CHRNA7: variants seen among roughly 807,000 people sequenced by gnomAD.
CHRNA7 encodes neuronal acetylcholine receptor subunit alpha-7.
Under a neutral mutation model 48.0 loss-of-function variants are expected in CHRNA7, and 17 were observed. The observed-to-expected ratio is 0.35, with a 90% confidence interval of 0.24 to 0.53. The LOEUF is 0.53. Ranked by LOEUF, CHRNA7 falls within the 20% of genes least tolerant of loss-of-function variation. CHRNA7 has a pLI of 0.92. For missense variants in CHRNA7, 155 were observed against 577.7 expected, an observed-to-expected ratio of 0.27 and a Z score of 7.50; for synonymous variants, 75 against 242.3, an observed-to-expected ratio of 0.31 and a Z score of 6.41.
At chr15:32,134,011 C>T (rs1227235852) in intron 4 of CHRNA7, among the ~76,000 whole-genome samples, 1 of 152,166 alleles carries the variant, frequency 6.6e-6, no homozygotes, top group Non-Finnish European at 1.5e-5. Context: ...ACAAATATTC[C>T]ATGCTCTGAT....
intron 4 of CHRNA7, among the ~76,000 whole-genome samples, chr15:32,132,025 C>T (rs1362865383): frequency 6.6e-6 from 1 of 152,196 alleles, no homozygotes; most frequent in African/African-American, 2.4e-5. Context: ...TTGGCCTTCT[C>T]TGACATCACC....
intron 4 of CHRNA7, among the ~76,000 whole-genome samples, chr15:32,139,508 C>T (rs1022165982): frequency 2.6e-5 from 4 of 152,146 alleles, no homozygotes; most frequent in Admixed American, 2.0e-4. Context: ...TGTTGCTCTG[C>T]ATCCTTGCCA....
At chr15:32,098,407 G>A (rs951042051) in intron 2 of CHRNA7, among the ~76,000 whole-genome samples, 2 of 152,188 alleles carry the variant, frequency 1.3e-5, no homozygotes, top group Non-Finnish European at 2.9e-5. Flanking sequence ...AGAAGACACG[G>A]CACCTGCAGA....
At chr15:32,079,343 G>A (rs1006654303) in intron 2 of CHRNA7, among the ~76,000 whole-genome samples, 1 of 152,162 alleles carries the variant, frequency 6.6e-6, no homozygotes, top group Non-Finnish European at 1.5e-5. Flanking sequence ...ATTCAAATAG[G>A]AAGAGAGGAA....
chr15:32,055,526 T>C (rs141244526), intron 2 of CHRNA7, among the ~76,000 whole-genome samples: 389 of 152,298 alleles, frequency 2.6e-3, no homozygotes, highest in African/African-American at 8.9e-3. Flanking sequence ...GGGCTAAACC[T>C]GCTCCCTTCA....
At chr15:32,091,417 G>A (rs540652789) in intron 2 of CHRNA7, among the ~76,000 whole-genome samples, 1 of 152,212 alleles carries the variant, frequency 6.6e-6, no homozygotes, top group African/African-American at 2.4e-5. Flanking sequence ...GGGTCCTCAA[G>A]TTTTACTGGT....
At chr15:32,045,096 T>TA (rs569594135) in intron 2 of CHRNA7, among the ~76,000 whole-genome samples, 3 of 152,338 alleles carry the variant, frequency 2.0e-5, no homozygotes, top group East Asian at 3.9e-4. Context: ...TTTTGGTTCT[T>TA]ACGATGTTTT....
chr15:32,067,481 A>T (rs1379291825), intron 2 of CHRNA7, among the ~76,000 whole-genome samples: 1 of 152,230 alleles, frequency 6.6e-6, no homozygotes, highest in Non-Finnish European at 1.5e-5. Flanking sequence ...AAGCTGAGAC[A>T]ATCCACTGCT....
chr15:32,045,085 C>G (rs1444185650), intron 2 of CHRNA7, among the ~76,000 whole-genome samples: 1 of 152,084 alleles, frequency 6.6e-6, no homozygotes, highest in Non-Finnish European at 1.5e-5. Context: ...TAAGAGTTTC[C>G]TTTTGGTTCT....
At chr15:32,085,183 C>T (rs1407461414) in intron 2 of CHRNA7, among the ~76,000 whole-genome samples, 2 of 152,066 alleles carry the variant, frequency 1.3e-5, no homozygotes, top group African/African-American at 4.8e-5. Flanking sequence ...TTCTAGTAGT[C>T]TTTGCTATTT....
rs2051965141 is a variant in CHRNA7 at position 32,163,432 on chromosome 15, TAAAG to T, written c.990+101_990+104del. 2 of 354,582 alleles carry T rather than the reference TAAAG, an allele frequency of 5.6e-6. 1 individual carries two copies. Among genetic ancestry groups the T allele is most frequent in the East Asian group, 8.5e-5 (2 of 23,610 alleles). 22.0% of individuals were successfully genotyped at this position (354,582 alleles called of 1,614,324 possible). A position where few individuals can be genotyped will look rare whatever the true frequency, so the allele number is the denominator to read the frequency against. ...AAATCACACAAAAAATGGGCATTCC[TAAAG>T]AAATAGCTTTGGGTTTTTTGTTTGT... On this transcript the variant is annotated intron_variant, in intron 9 of 9. Coordinates refer to ENST00000306901, the MANE Select transcript of CHRNA7 (RefSeq NM_000746.6).
chr15:32,140,695 A>G (rs1353683777), intron 4 of CHRNA7, among the ~76,000 whole-genome samples: 2 of 152,112 alleles, frequency 1.3e-5, no homozygotes, highest in Non-Finnish European at 2.9e-5. Flanking sequence ...GCATTTTTTC[A>G]TGTGTCTGTT....
At chr15:32,055,991 CA>C (rs575070917) in intron 2 of CHRNA7, among the ~76,000 whole-genome samples, 2 of 151,656 alleles carry the variant, frequency 1.3e-5, no homozygotes, top group Non-Finnish European at 2.9e-5. Context: ...AAAAAAAAAC[CA>C]AAAAACAAAA....
intron 2 of CHRNA7, among the ~76,000 whole-genome samples, chr15:32,067,171 C>T (rs911153750): frequency 7.2e-5 from 11 of 152,076 alleles, no homozygotes; most frequent in Admixed American, 5.2e-4. Flanking sequence ...TGTACACATC[C>T]GTAAAGCTTA....
At chr15:32,092,495 A>ATCAT (rs570471594) in intron 2 of CHRNA7, among the ~76,000 whole-genome samples, 108 of 152,256 alleles carry the variant, frequency 7.1e-4, no homozygotes, top group African/African-American at 2.6e-3. Flanking sequence ...TATATATTTA[A>ATCAT]TCATTCATTC....
chr15:32,120,257 G>A (rs1001487270), intron 4 of CHRNA7, among the ~76,000 whole-genome samples: 8 of 152,006 alleles, frequency 5.3e-5, no homozygotes, highest in Admixed American at 3.9e-4. Context: ...GAAAGAGCTC[G>A]GTCTCTTGTG....
At chr15:32,098,971 T>A (rs1460749819) in intron 2 of CHRNA7, 1 of 150,976 alleles carries the variant, frequency 6.6e-6, no homozygotes, top group Non-Finnish European at 1.5e-5. Flanking sequence ...GCAAGCATAA[T>A]GCTGGGGACA....
chr15:32,119,330 A>T (rs1379943954), intron 4 of CHRNA7, among the ~76,000 whole-genome samples: 1 of 152,254 alleles, frequency 6.6e-6, no homozygotes, highest in Non-Finnish European at 1.5e-5. Flanking sequence ...TAATGACTTA[A>T]GTAGTCTTTG....
At chr15:32,053,532 T>A (rs189133654) in intron 2 of CHRNA7, among the ~76,000 whole-genome samples, 1 of 152,190 alleles carries the variant, frequency 6.6e-6, no homozygotes, top group East Asian at 1.9e-4. Context: ...TAAAATAGTA[T>A]GTACTTGGGC....
Sources: allele counts gnomAD v4.1 joint callset (sites outside exome capture counted in the v4.1 genomes callset), GRCh38; gene constraint gnomAD v4.1.1; transcripts MANE v1.5; gene names NCBI Gene and HGNC (gene_info 2026-07-23, HGNC 2026-07-21).